The following ADAMTS9 variants were observed in gnomAD, a reference collection of about 807,000 sequenced individuals.
ADAMTS9 encodes the protein ADAM metallopeptidase with thrombospondin type 1 motif 9, also known as A disintegrin and metalloproteinase with thrombospondin motifs 9.
A neutral mutation model predicts 257.1 loss-of-function variants in ADAMTS9; 107 were observed. The ratio of observed to expected loss-of-function variants is 0.42; its 90% CI spans 0.36 to 0.49. The LOEUF (loss-of-function observed/expected upper bound fraction) is 0.49. Ranked by LOEUF, ADAMTS9 falls within the 20% of genes least tolerant of loss-of-function variation. The probability of loss-of-function intolerance (pLI) is 0.03; values close to 1 mark genes in which losing one functional copy is unlikely to be tolerated. For missense variants in ADAMTS9, 2,353 were observed against 2,469.1 expected (o/e 0.95, Z 1.00); for synonymous variants, 982 against 880.9 (o/e 1.11, Z -2.03).
chr3:64,662,423 A>T (rs1274935618), intron 3 of ADAMTS9, among the ~76,000 whole-genome samples: 1 of 152,038 alleles, frequency 6.6e-6, no homozygotes, highest in Non-Finnish European at 1.5e-5. Context: ...TAGTTGGTTT[A>T]TAGTGTTGGG....
chr3:64,593,839 T>C (rs943801861), intron 28 of ADAMTS9, among the ~76,000 whole-genome samples: 7 of 152,048 alleles, frequency 4.6e-5, no homozygotes, highest in Non-Finnish European at 8.8e-5. Context: ...TGAAGAAAAA[T>C]TGCTTTGGCC....
chr3:64,671,376 T>A (rs1007391767), intron 3 of ADAMTS9, among the ~76,000 whole-genome samples: 2 of 152,172 alleles, frequency 1.3e-5, no homozygotes, highest in Non-Finnish European at 2.9e-5. Context: ...ATCACGATGG[T>A]TCTATGACTG....
chr3:64,609,678 T>G (rs1263550238), intron 22 of ADAMTS9, among the ~76,000 whole-genome samples: 1 of 152,142 alleles, frequency 6.6e-6, no homozygotes, highest in East Asian at 1.9e-4. Flanking sequence ...GATTAAAAGA[T>G]TTAGTATTGC....
chr3:64,587,554 C>A (rs2084182600), intron 28 of ADAMTS9: 1 of 151,904 alleles, frequency 6.6e-6, no homozygotes, highest in East Asian at 1.9e-4. Context: ...TAAAGGAAGG[C>A]AAAAATAGAG....
intron 3 of ADAMTS9, among the ~76,000 whole-genome samples, chr3:64,666,449 C>A (rs1271266043): frequency 6.6e-6 from 1 of 152,174 alleles, no homozygotes; most frequent in South Asian, 2.1e-4. Flanking sequence ...AGGAGCAAGG[C>A]GAGACCCCTT....
Position 64,622,530 on chromosome 3 carries a change from C to T in ADAMTS9, c.2446G>A (p.Ala816Thr), listed in dbSNP as rs1302037800. Residue 816 changes from alanine to threonine, a missense_variant, in exon 17 of 40, where the codon GCC (alanine) becomes ACC (threonine). Around this residue, in one of 3 missense-constraint regions of ADAMTS9, gnomAD observed 360 missense variants for 458.1 expected, o/e 0.79. Transcript: ENST00000498707. ...TTCCCAATGCGAATTTCCCTTTTGGCCATTGTGACAACAAAGTTTCCATTT... is the reference window on the plus strand; with the variant it reads ...TTCCCAATGCGAATTTCCCTTTTGGTCATTGTGACAACAAAGTTTCCATTT... ...LLNGNFVVTM[A>T]KREIRIGNAV... 1 of 1,614,056 alleles carries T rather than the reference C, an allele frequency of 6.2e-7. No individual in the cohort carries two copies. The highest frequency in any genetic ancestry group is 8.5e-7 in the Non-Finnish European group (1 of 1,179,978).
chr3:64,612,667 C>CA (rs1190799151), intron 22 of ADAMTS9, among the ~76,000 whole-genome samples: 4 of 152,146 alleles, frequency 2.6e-5, no homozygotes, highest in African/African-American at 9.7e-5. Context: ...AATGGGAACT[C>CA]AGAGTGCTAC....
intron 28 of ADAMTS9, chr3:64,582,515 T>C (rs190033251): frequency 1.3e-5 from 2 of 152,196 alleles, no homozygotes; most frequent in East Asian, 3.9e-4. Flanking sequence ...CTAATGCCCA[T>C]AGGAATATGG....
At chr3:64,657,790 C>T (rs1038212649) in intron 4 of ADAMTS9, among the ~76,000 whole-genome samples, 51 of 152,206 alleles carry the variant, frequency 3.4e-4, no homozygotes, top group African/African-American at 1.1e-3. Flanking sequence ...AAACTTTCAA[C>T]AGTGGCTGCC....
chr3:64,612,907 T>A (rs923293600), intron 22 of ADAMTS9, among the ~76,000 whole-genome samples: 2 of 152,164 alleles, frequency 1.3e-5, no homozygotes, highest in Non-Finnish European at 2.9e-5. Context: ...CTGGCTTATT[T>A]ATGAGAGGTG....
chr3:64,550,868 T>C lies in ADAMTS9; in HGVS notation c.4869+24A>G, dbSNP rs762778410. On this transcript the variant is annotated intron_variant, in intron 31 of 39. Transcript: ENST00000498707. The stretch of plus-strand genomic sequence containing the variant: ...TCTCAGGCCATGGCTGAGCTGACGA[T>C]GGTTACAGTTCCCAGGACGGTACCT... The C allele has an allele frequency of 3.0e-5, 48 of 1,612,856 alleles. 1 individual carries two copies. The highest frequency in any genetic ancestry group is 3.3e-4 in the Middle Eastern group (2 of 6,080).
chr3:64,560,109 A>T (rs929613677), intron 30 of ADAMTS9, among the ~76,000 whole-genome samples: 3 of 152,220 alleles, frequency 2.0e-5, no homozygotes, highest in African/African-American at 7.2e-5. Flanking sequence ...TTTTATCCCC[A>T]TTCTACAAAT....
chr3:64,517,283 C>T (rs996502576), intron 39 of ADAMTS9, among the ~76,000 whole-genome samples, 162 bp from the exon 40 acceptor site: 16 of 151,986 alleles, frequency 1.1e-4, no homozygotes, highest in East Asian at 3.9e-4. Context: ...ACTCTGTCAC[C>T]GAGGCTGGAG....
intron 28 of ADAMTS9, chr3:64,592,593 T>C (rs1169365863): frequency 3.3e-5 from 5 of 152,204 alleles, no homozygotes; most frequent in African/African-American, 7.2e-5. Context: ...CTAAGACTTA[T>C]GTTTTTCCCC....
chr3:64,544,694 A>G (rs928717241), intron 32 of ADAMTS9, among the ~76,000 whole-genome samples: 1 of 152,228 alleles, frequency 6.6e-6, no homozygotes, highest in Non-Finnish European at 1.5e-5. Context: ...CATTCAGGAC[A>G]TAGGCATGGG....
rs2084274261 is a variant in ADAMTS9, at chr3:64,592,135, A to G, written c.4356+2123T>C. Among the ~76,000 whole-genome samples the G allele has an allele frequency of 2.0e-5, 3 of 152,246 alleles. No individual in the cohort carries two copies. In the South Asian group the frequency reaches 6.2e-4, roughly 32 times the overall value. On this transcript the variant is annotated intron_variant, in intron 28 of 39. Coordinates refer to ENST00000498707, the MANE Select transcript of ADAMTS9 (RefSeq NM_182920.2). The stretch of plus-strand genomic sequence containing the variant: ...ATTTAGGAAAAGTAATATATTACAA[A>G]GATATTTTAAAGAAAATGCTTTTGA...
chr3:64,597,107 G>C, intron 26 of ADAMTS9, 116 bp from the exon 27 acceptor site: 2 of 1,393,500 alleles, frequency 1.4e-6, no homozygotes, highest in Non-Finnish European at 2.0e-6. Context: ...AGTCATCCAC[G>C]AAGGACAAAA....
At chr3:64,685,478 AG>A (rs1440971629) in intron 2 of ADAMTS9, 1 of 152,342 alleles carries the variant, frequency 6.6e-6, no homozygotes, top group Non-Finnish European at 1.5e-5. Flanking sequence ...GACCCGGGAA[AG>A]TTTCTGCGTC....
intron 12 of ADAMTS9, among the ~76,000 whole-genome samples, chr3:64,640,381 T>G (rs1700607498): frequency 6.6e-6 from 1 of 152,236 alleles, no homozygotes; most frequent in African/African-American, 2.4e-5. Flanking sequence ...AATATTAGAC[T>G]CTTTTCTCAC....
Sources: allele counts gnomAD v4.1 joint callset (sites outside exome capture counted in the v4.1 genomes callset), GRCh38; gene constraint gnomAD v4.1.1; regional missense constraint gnomAD v4.1.1; transcripts MANE v1.5; gene names NCBI Gene and HGNC (gene_info 2026-07-23, HGNC 2026-07-21).